The following DNAH1 variants were observed in gnomAD, a reference collection of about 807,000 sequenced individuals.
DNAH1 encodes axonemal beta dynein heavy chain 1.
Under a neutral mutation model 484.3 loss-of-function variants are expected in DNAH1, and 327 were observed. That is an observed-to-expected ratio of 0.68 (90% CI 0.62 to 0.74). The LOEUF (loss-of-function observed/expected upper bound fraction) is 0.74. Ranked by LOEUF, DNAH1 falls within the 30% of genes least tolerant of loss-of-function variation. The pLI is 0.00. For missense variants in DNAH1, 5,052 were observed against 5,546.8 expected (o/e 0.91, Z 2.83); for synonymous variants, 2,192 against 2,191.9 (o/e 1.00, Z 0.00).
intron 55 of DNAH1, 67 bp downstream of exon 55, chr3:52,386,412 C>T: frequency 1.3e-6 from 2 of 1,481,732 alleles, no homozygotes; most frequent in Non-Finnish European, 1.8e-6. Flanking sequence ...TCCCTCTGCA[C>T]ATCCCCTGGG....
At chr3:52,378,040 G>A (rs1454992742) in intron 46 of DNAH1, among the ~76,000 whole-genome samples, 1 of 152,106 alleles carries the variant, frequency 6.6e-6, no homozygotes, top group Non-Finnish European at 1.5e-5. Flanking sequence ...TCTCCGCCAA[G>A]TTTCCACTGA....
chr3:52,366,315 G>C, intron 34 of DNAH1, 142 bp from the exon 35 acceptor site: 5 of 663,048 alleles, frequency 7.5e-6, no homozygotes, highest in Non-Finnish European at 1.3e-5. Context: ...TATGATGTAG[G>C]TGCTACCACC....
At chr3:52,336,955 A>G (rs2153223423) in intron 8 of DNAH1, among the ~76,000 whole-genome samples, 1 of 152,266 alleles carries the variant, frequency 6.6e-6, no homozygotes. Context: ...ATTTTTTCCT[A>G]GTTCTGTGAA....
Position 52,362,881 on chromosome 3 carries a change from G to A in DNAH1, c.5095-114G>A. 7.0e-7 allele frequency: 1 copy of A among 1,435,894 alleles called. No individual in the cohort carries two copies. Among genetic ancestry groups the A allele is most frequent in the Non-Finnish European group, 9.6e-7 (1 of 1,042,530 alleles). The allele number at this position is 1,435,894 out of a possible 1,614,324, so 88.9% of individuals were successfully genotyped here. A position where few individuals can be genotyped will look rare whatever the true frequency, so the allele number is the denominator to read the frequency against. On this transcript the variant is annotated intron_variant, in intron 31 of 77. Coordinates refer to ENST00000420323, the MANE Select transcript of DNAH1 (RefSeq NM_015512.5). This position sits in a 1 kb window ranked among gnomAD's most constrained non-coding sequence, Gnocchi z 5.1. The stretch of plus-strand genomic sequence containing the variant: ...CAGGGGAGTGAAAGCCTCAGCTGTG[G>A]CAGGCTTGGTGCAGCAGGGAGTCCC...
chr3:52,387,826 T>C (rs1184108495), intron 56 of DNAH1, among the ~76,000 whole-genome samples: 1 of 152,154 alleles, frequency 6.6e-6, no homozygotes. Context: ...TCAGAACCAT[T>C]CACTCATCCC....
At position 52,382,458 on chromosome 3, in the gene DNAH1, G is replaced by T. The variant is rs1412095474; in HGVS notation, c.7941+3G>T. On this transcript the variant is annotated splice_donor_region_variant and intron_variant, in intron 50 of 77. Coordinates refer to ENST00000420323, the MANE Select transcript of DNAH1 (RefSeq NM_015512.5). ...CCTTCCTCTTCTCAGACACCCAGGT[G>T]CCACTGCCACAGCAGAGGGCAGGGC... The T allele has an allele frequency of 3.1e-6, 5 of 1,613,606 alleles. No individual in the cohort carries two copies. The Admixed American group carries it at 8.3e-5, about 27-fold the overall frequency.
At chr3:52,326,648 C>A in intron 4 of DNAH1, 87 bp from the exon 5 acceptor site, 1 of 1,491,394 alleles carries the variant, frequency 6.7e-7, no homozygotes, top group Non-Finnish European at 9.0e-7. Context: ...CCCCTGTCCC[C>A]ACAACCCCGT....
chr3:52,363,403 G>A lies in DNAH1; in HGVS notation c.5244+259G>A, dbSNP rs56899118. ...GAGCAGGAGCCAGGAACAGATGCCT[G>A]TGTGGCTACTTCAGGTGCAAGGGCC... On this transcript the variant is annotated intron_variant, in intron 32 of 77. Transcript: ENST00000420323. Among the ~76,000 whole-genome samples, 21,256 of 152,328 alleles carry A rather than the reference G, an allele frequency of 0.14. 1,837 individuals carry two copies. Among genetic ancestry groups the A allele is most frequent in the African/African-American group, 0.23 (9,657 of 41,548 alleles).
Position 52,362,953 on chromosome 3 carries a change from G to T in DNAH1, c.5095-42G>T. ...GGATGAAGCTGGGGGTGCTCTGGGG[G>T]TGAGCTCTGTTTGCTGTTCACATGT... On this transcript the variant is annotated intron_variant, in intron 31 of 77. Transcript: ENST00000420323. This position sits in a 1 kb window ranked among gnomAD's most constrained non-coding sequence, Gnocchi z 5.1. 9.3e-6 allele frequency: 15 copies of T among 1,611,384 alleles called. No homozygotes were observed. Among genetic ancestry groups the T allele is most frequent in the Non-Finnish European group, 1.2e-5 (14 of 1,178,338 alleles).
At position 52,370,224 on chromosome 3, in the gene DNAH1, A is replaced by C; in HGVS notation, c.6253A>C (p.Arg2085=). The part of the protein sequence containing the change: ...LDCFFKPFLP[R]EGLKKIPSEK... Reference sequence around the variant, plus strand: ...CTGCTTCTTCAAGCCCTTTCTGCCTAGAGAGGTACAGCCCTGAGAGTGGGG... The same window carrying C: ...CTGCTTCTTCAAGCCCTTTCTGCCTCGAGAGGTACAGCCCTGAGAGTGGGG... The change falls in exon 39 of 78, where the codon AGA becomes CGA. Residue 2085 remains arginine, a synonymous_variant. Transcript: ENST00000420323. The C allele has an allele frequency of 1.2e-6, 2 of 1,613,776 alleles. No individual in the cohort carries two copies. The highest frequency in any genetic ancestry group is 1.7e-6 in the Non-Finnish European group (2 of 1,179,810).
intron 3 of DNAH1, among the ~76,000 whole-genome samples, chr3:52,324,102 G>A (rs1038306229): frequency 1.3e-5 from 2 of 152,120 alleles, no homozygotes; most frequent in Admixed American, 6.5e-5. Context: ...TGACCTTGAT[G>A]CTGGGCTGGG....
Position 52,370,795 on chromosome 3 carries a change from CAGTG to C in DNAH1, c.6498_6501del (p.Ser2166ArgfsTer13), listed in dbSNP as rs767362390. 2.5e-5 allele frequency: 40 copies of C among 1,605,612 alleles called. No individual in the cohort carries two copies. The highest frequency in any genetic ancestry group is 3.1e-5 in the Non-Finnish European group (37 of 1,176,558). On this transcript the variant is annotated frameshift_variant, in exon 41 of 78. Coordinates refer to ENST00000420323, the MANE Select transcript of DNAH1 (RefSeq NM_015512.5). LOFTEE classifies it high-confidence loss of function. ...ACGCGGGCATCAGTGGCACCAACGA[CAGTG>C]AGGATGAAGAGGAGGAATACAAGCA... is the stretch of plus-strand genomic sequence containing the variant.
intron 44 of DNAH1, chr3:52,374,223 C>T (rs974273342): frequency 2.2e-6 from 3 of 1,390,470 alleles, no homozygotes; most frequent in African/African-American, 1.4e-5. Flanking sequence ...AATGGCATAG[C>T]AGAGTTACTG....
At chr3:52,332,422 C>T in intron 8 of DNAH1, 28 bp downstream of exon 8, 1 of 1,602,574 alleles carries the variant, frequency 6.2e-7, no homozygotes, top group Non-Finnish European at 8.5e-7. Context: ...CTTCCCTATT[C>T]TGGGCATCAC....
In DNAH1 at chr3:52,383,446, A is replaced by G; in HGVS notation, c.8002A>G (p.Asn2668Asp). 1 of 1,614,006 alleles carries G rather than the reference A, an allele frequency of 6.2e-7. No homozygotes were observed. Among genetic ancestry groups the G allele is most frequent in the South Asian group, 1.1e-5 (1 of 91,080 alleles). The change falls in exon 51 of 78, where the codon AAT becomes GAT. Residue 2668 changes from asparagine (N) to aspartate (D), a missense_variant. Transcript: ENST00000420323. ...NNVLNSGDIP[N>D]LYTADEQDQI... is the part of the protein sequence containing the mutation. Reference sequence around the variant, plus strand: ...CGTCCTAAACTCTGGTGACATTCCCAATCTGTATACTGCGGACGAGCAGGA... The same window carrying G: ...CGTCCTAAACTCTGGTGACATTCCCGATCTGTATACTGCGGACGAGCAGGA...
chr3:52,329,314 A>G (rs947927767), intron 6 of DNAH1, among the ~76,000 whole-genome samples: 3 of 152,190 alleles, frequency 2.0e-5, no homozygotes, highest in African/African-American at 7.2e-5. Context: ...TTCCAGTGAC[A>G]TCTTTTCATC....
chr3:52,313,553 G>A (rs1464083726), upstream of DNAH1, among the ~76,000 whole-genome samples: 1 of 152,140 alleles, frequency 6.6e-6, no homozygotes, highest in Non-Finnish European at 1.5e-5. Context: ...CAGAGTATGG[G>A]AGCAGATTGC....
chr3:52,368,603 A>C lies in DNAH1; in HGVS notation c.5766-138A>C. 1.1e-6 allele frequency: 1 copy of C among 908,824 alleles called. No individual in the cohort carries two copies. The highest frequency in any genetic ancestry group is 1.6e-6 in the Non-Finnish European group (1 of 607,658). 56.3% of individuals were successfully genotyped at this position (908,824 alleles called of 1,614,324 possible). Reference sequence around the variant, plus strand: ...ACACCAAAAAAATCCCACTTTTCCTATTATAATTTTTAAAAGAACAAAGAG... The same window carrying C: ...ACACCAAAAAAATCCCACTTTTCCTCTTATAATTTTTAAAAGAACAAAGAG... On this transcript the variant is annotated intron_variant, in intron 36 of 77. Transcript: ENST00000420323. The surrounding 1 kb of genome is among the most constrained non-coding windows in gnomAD (Gnocchi z 4.4).
intron 34 of DNAH1, 84 bp downstream of exon 34, chr3:52,365,103 T>C: frequency 6.6e-7 from 1 of 1,508,374 alleles, no homozygotes; most frequent in Non-Finnish European, 8.9e-7. Flanking sequence ...GACAGGACAG[T>C]CCAACCCCAG....
Sources: allele counts gnomAD v4.1 joint callset (sites outside exome capture counted in the v4.1 genomes callset), GRCh38; gene constraint gnomAD v4.1.1; non-coding constraint Gnocchi (gnomAD v3.1); transcripts MANE v1.5; gene names NCBI Gene and HGNC (gene_info 2026-07-23, HGNC 2026-07-21).